GLIS2: variants seen among roughly 807,000 people sequenced by gnomAD.
GLIS2 encodes GLIS family zinc finger 2.
In GLIS2, 14 loss-of-function variants were observed where a neutral mutation model predicts 35.6. The ratio of observed to expected loss-of-function variants is 0.39; its 90% CI spans 0.26 to 0.61. The LOEUF (loss-of-function observed/expected upper bound fraction) is 0.61, where lower values mean the gene tolerates loss of function less well. GLIS2 is among the 20% of genes least tolerant of loss of function. The pLI, the probability that GLIS2 is intolerant of heterozygous loss-of-function variation, is 0.48. For missense variants in GLIS2, 675 were observed against 713.4 expected (o/e 0.95, Z 0.61); for synonymous variants, 368 against 325.1 (o/e 1.13, Z -1.42).
Position 4,337,219 on chromosome 16 carries a change from G to T in GLIS2, c.1270G>T (p.Gly424Cys). The T allele has an allele frequency of 6.5e-7, 1 of 1,547,538 alleles. No homozygotes were observed. The highest frequency in any genetic ancestry group is 8.7e-7 in the Non-Finnish European group (1 of 1,147,056). Residue 424 changes from glycine (G) to cysteine (C), a missense_variant, in exon 7 of 7, where the codon GGC becomes TGC. By Grantham distance (159) the Gly-to-Cys change is radical. This residue lies in a region of GLIS2 where 317 missense variants were observed against 283.2 expected (regional missense o/e 1.12). Coordinates refer to ENST00000433375, the MANE Select transcript of GLIS2 (RefSeq NM_032575.3). ...NPLLPSPFGA[G>C]GLGLPVVSLL... ...GCTGCTGCCCTCGCCCTTTGGGGCT[G>T]GCGGACTGGGCTTGCCTGTGGTCTC...
chr16:4,322,634 A>G (rs1360059226), intron 1 of GLIS2, among the ~76,000 whole-genome samples: 3 of 104,928 alleles, frequency 2.9e-5, no homozygotes, highest in Non-Finnish European at 4.1e-5. Context: ...CCCCCCCTAC[A>G]CTGTTTCTCC....
chr16:4,316,049 G>C (rs867344641), upstream of GLIS2, among the ~76,000 whole-genome samples: 4 of 64,540 alleles, frequency 6.2e-5, no homozygotes, highest in South Asian at 4.6e-4. Context: ...ATCCCCGCAC[G>C]GCCCGGCCGC....
rs2053307238 is a variant in GLIS2, at chr16:4,316,085, G to A, written c.-236G>A. 7.3e-6 allele frequency among the ~76,000 whole-genome samples: 1 copy of A among 137,834 alleles called. No individual in the cohort carries two copies. The highest frequency in any genetic ancestry group is 7.3e-5 in the Admixed American group (1 of 13,722). 90.4% of individuals were successfully genotyped at this position (137,834 alleles called of 152,430 possible). ...CGCGGCCACCTTCCCTGCCCGAGCT[G>A]CAGATGTGGCGGAGCGGCCGGGCGC... On this transcript the variant is annotated 5_prime_UTR_variant, in exon 1 of 7. Transcript: ENST00000433375.
At chr16:4,330,360 C>A (rs1272959278) in intron 1 of GLIS2, among the ~76,000 whole-genome samples, 2 of 152,202 alleles carry the variant, frequency 1.3e-5, no homozygotes, top group Non-Finnish European at 2.9e-5. Flanking sequence ...TAAAAGAATA[C>A]CATCTCCAGT....
Position 4,333,224 on chromosome 16 carries a change from C to T in GLIS2, c.173-123C>T, listed in dbSNP as rs186375616. On this transcript the variant is annotated intron_variant, in intron 2 of 6. Coordinates refer to ENST00000433375, the MANE Select transcript of GLIS2 (RefSeq NM_032575.3). ...AGCTCCACAGGCTGCTCCTCACATTCGTGTGGTCTGGGGGCATGGCTGGTG... is the reference window on the plus strand; with the variant it reads ...AGCTCCACAGGCTGCTCCTCACATTTGTGTGGTCTGGGGGCATGGCTGGTG... The T allele has an allele frequency of 7.1e-5, 74 of 1,045,932 alleles. 1 individual carries two copies. The African/African-American group carries it at 1.0e-3, about 14-fold the overall frequency. 64.8% of individuals were successfully genotyped at this position (1,045,932 alleles called of 1,614,324 possible).
rs1053335539 is a variant in GLIS2 at position 4,339,178 on chromosome 16, G to A, written c.*1654G>A. The A allele has an allele frequency of 3.3e-5, 5 of 152,464 alleles. No homozygotes were observed. The highest frequency in any genetic ancestry group is 1.2e-4 in the African/African-American group (5 of 41,462). The allele number at this position is 152,464 out of a possible 1,614,324, so 9.4% of individuals were successfully genotyped here. A position where few individuals can be genotyped will look rare whatever the true frequency, so the allele number is the denominator to read the frequency against. ...TGCCCCTCGAAGGGGCTATGAGCAA[G>A]GTAGGAGGGAGCTGGTCTCCTTTCT... On this transcript the variant is annotated 3_prime_UTR_variant, in exon 7 of 7. Transcript: ENST00000433375.
chr16:4,321,102 G>A (rs1477641563), intron 1 of GLIS2, among the ~76,000 whole-genome samples: 1 of 152,222 alleles, frequency 6.6e-6, no homozygotes, highest in Non-Finnish European at 1.5e-5. Context: ...CTGGAGTCCT[G>A]TGTGTGCGGT....
intron 1 of GLIS2, among the ~76,000 whole-genome samples, chr16:4,319,592 TG>T (rs1395634409): frequency 6.6e-6 from 1 of 152,152 alleles, no homozygotes; most frequent in East Asian, 1.9e-4. Flanking sequence ...TGCCTCTCAG[TG>T]GTTTCTGAGG....
At chr16:4,328,576 T>TC (rs2053463046) in intron 1 of GLIS2, among the ~76,000 whole-genome samples, 1 of 152,114 alleles carries the variant, frequency 6.6e-6, no homozygotes, top group Non-Finnish European at 1.5e-5. Flanking sequence ...CTCCTTCCTT[T>TC]CCCGGGGGCA....
chr16:4,321,677 G>T (rs539813617), intron 1 of GLIS2, among the ~76,000 whole-genome samples: 1 of 152,190 alleles, frequency 6.6e-6, no homozygotes, highest in Non-Finnish European at 1.5e-5. Flanking sequence ...GCCAGGGGCC[G>T]TGGGAACTGG....
intron 1 of GLIS2, among the ~76,000 whole-genome samples, chr16:4,319,848 G>C (rs549710243): frequency 1.3e-5 from 2 of 149,872 alleles, no homozygotes; most frequent in Non-Finnish European, 2.9e-5. Flanking sequence ...GGGCAGGCAC[G>C]GAGGCCGGGT....
rs757684023 is a variant in GLIS2 at position 4,332,316 on chromosome 16, G to A, written c.36G>A (p.Leu12=). The part of the protein sequence containing the change: ...HSLDEPLDLK[L]SITKLRAARE... The stretch of plus-strand genomic sequence containing the variant: ...TGGACGAGCCGCTCGACCTGAAGCT[G>A]AGTATCACCAAGCTCCGGGCGGCAA... The change falls in exon 2 of 7, where the codon CTG becomes CTA. Residue 12 remains leucine (L), a synonymous_variant. Coordinates refer to ENST00000433375, the MANE Select transcript of GLIS2 (RefSeq NM_032575.3). This position sits in a 1 kb window ranked among gnomAD's most constrained non-coding sequence, Gnocchi z 5.4. 3.1e-6 allele frequency: 5 copies of A among 1,613,092 alleles called. No homozygotes were observed. In the African/African-American group the frequency reaches 4.0e-5, roughly 13 times the overall value.
chr16:4,337,237 G>C lies in GLIS2; in HGVS notation c.1288G>C (p.Val430Leu), dbSNP rs1226083275. The C allele has an allele frequency of 6.5e-7, 1 of 1,548,050 alleles. No individual in the cohort carries two copies. Among genetic ancestry groups the C allele is most frequent in the Admixed American group, 2.0e-5 (1 of 51,044 alleles). ...PFGAGGLGLP[V>L]VSLLAGAAGG... ...TGGGGCTGGCGGACTGGGCTTGCCT[G>C]TGGTCTCCCTCCTTGCTGGCGCAGC... is the stretch of plus-strand genomic sequence containing the variant. Residue 430 changes from valine (V) to leucine (L), a missense_variant, in exon 7 of 7, where the codon GTG becomes CTG. By Grantham distance (32) the Val-to-Leu change is conservative. Around this residue, in one of 3 missense-constraint regions of GLIS2, gnomAD observed 317 missense variants for 283.2 expected, o/e 1.12. Transcript: ENST00000433375.
At chr16:4,333,615 T>C in intron 3 of GLIS2, 96 bp downstream of exon 3, 10 of 1,313,698 alleles carry the variant, frequency 7.6e-6, no homozygotes, top group Non-Finnish European at 1.0e-5. Flanking sequence ...AAAAAACAGA[T>C]GTGTTACCCC....
intron 1 of GLIS2, among the ~76,000 whole-genome samples, chr16:4,324,347 C>T (rs922745262): frequency 4.6e-5 from 7 of 152,198 alleles, no homozygotes; most frequent in East Asian, 1.9e-4. Context: ...GGCCTGTCTG[C>T]GGCCAGCTCC....
rs144489623 is a variant in GLIS2 at position 4,337,526 on chromosome 16, C to T, written c.*2C>T. On this transcript the variant is annotated 3_prime_UTR_variant, in exon 7 of 7. Coordinates refer to ENST00000433375, the MANE Select transcript of GLIS2 (RefSeq NM_032575.3). ...CTCAAACCGGCTGTGGTGAACTGAG[C>T]CCATCCTGCGGACAGTTGTGGTGCC... 8.2e-5 allele frequency: 127 copies of T among 1,554,036 alleles called. No individual in the cohort carries two copies. The African/African-American group carries it at 1.6e-3, about 19-fold the overall frequency.
intron 1 of GLIS2, among the ~76,000 whole-genome samples, chr16:4,323,205 C>T (rs944142761): frequency 1.3e-5 from 2 of 152,200 alleles, no homozygotes; most frequent in Non-Finnish European, 2.9e-5. Flanking sequence ...TGTGCCCCAG[C>T]CTTGCTGGGC....
rs554457612 is a variant in GLIS2 at position 4,333,489 on chromosome 16, C to T, written c.315C>T (p.Asn105=). 27 of 1,611,764 alleles carry T rather than the reference C, an allele frequency of 1.7e-5. No homozygotes were observed. Among genetic ancestry groups the T allele is most frequent in the Middle Eastern group, 1.7e-4 (1 of 6,056 alleles). ...SSSLSPERQG[N]GDLPPVPSAS... ...CGCTGTCCCCCGAGCGCCAGGGCAA[C>T]GGGGACCTGCCTCCAGTGCCCAGTG... The change falls in exon 3 of 7, where the codon AAC becomes AAT. Residue 105 remains asparagine (N), a synonymous_variant. Transcript: ENST00000433375.
rs114777300 is a variant in GLIS2, at chr16:4,334,753, G to A, written c.346-48G>A. On this transcript the variant is annotated intron_variant, in intron 3 of 6. Transcript: ENST00000433375. ...TTCAGTCCACTACCGATGGGACGGGGGGCTCTGGGCCAGCAGGACCTTGAC... is the reference window on the plus strand; with the variant it reads ...TTCAGTCCACTACCGATGGGACGGGAGGCTCTGGGCCAGCAGGACCTTGAC... The A allele has an allele frequency of 5.7e-4, 921 of 1,609,578 alleles. 3 individuals carry two copies. The African/African-American group carries it at 0.011, about 19-fold the overall frequency.
Sources: gnomAD v4.1 joint callset for allele counts (sites outside exome capture counted in the v4.1 genomes callset) on GRCh38, gnomAD v4.1.1 for gene constraint, gnomAD v4.1.1 regional missense constraint, Gnocchi (gnomAD v3.1) non-coding constraint, MANE v1.5 for transcripts, NCBI Gene and HGNC (gene_info 2026-07-23, HGNC 2026-07-21) for gene names.